Variants in ARHGAP8 observed in about 807,000 individuals in gnomAD.
The protein encoded by ARHGAP8 is rho GTPase-activating protein 8.
A neutral mutation model predicts 46.1 loss-of-function variants in ARHGAP8; 62 were observed. The observed-to-expected ratio is 1.34, with a 90% CI of 1.10 to 1.66. The LOEUF is 1.66. Ranked by LOEUF, ARHGAP8 falls within the 40% of genes most tolerant of loss-of-function variation. The pLI, the probability that ARHGAP8 is intolerant of heterozygous loss-of-function variation, is 0.00. For missense variants in ARHGAP8, 923 were observed against 568.4 expected (o/e 1.62, Z -6.34); for synonymous variants, 375 against 243.1 (o/e 1.54, Z -5.05).
At chr22:44,829,810 A>G (rs1930810285) in intron 7 of ARHGAP8, among the ~76,000 whole-genome samples, 1 of 152,228 alleles carries the variant, frequency 6.6e-6, no homozygotes, top group South Asian at 2.1e-4. Flanking sequence ...GCAGAAAGCT[A>G]TCACCTTAGA....
At chr22:44,856,369 G>T (rs1164820468) in intron 10 of ARHGAP8, among the ~76,000 whole-genome samples, 1 of 142,846 alleles carries the variant, frequency 7.0e-6, no homozygotes, top group African/African-American at 2.6e-5. Context: ...TGCCTCCCGG[G>T]TTCAAGTGAT....
chr22:44,858,456 C>G (rs574674008), intron 10 of ARHGAP8, among the ~76,000 whole-genome samples: 1 of 116,328 alleles, frequency 8.6e-6, no homozygotes, highest in East Asian at 2.0e-4. Flanking sequence ...CAGCCTCTGT[C>G]TTCTGAGTTC....
chr22:44,757,279 A>AT (rs372905719), intron 1 of ARHGAP8, among the ~76,000 whole-genome samples: 3,786 of 143,630 alleles, frequency 0.026, 116 homozygotes, highest in African/African-American at 0.078. Context: ...CAAATATTTA[A>AT]TTTTTTTTTT....
At chr22:44,861,202 C>T (rs1235515902) in intron 11 of ARHGAP8, among the ~76,000 whole-genome samples, 7 of 152,130 alleles carry the variant, frequency 4.6e-5, no homozygotes, top group Non-Finnish European at 2.9e-5. Context: ...GAACTCCTGA[C>T]CTCAGGTGAT....
chr22:44,843,126 G>T (rs1931760185), intron 7 of ARHGAP8, among the ~76,000 whole-genome samples: 1 of 152,184 alleles, frequency 6.6e-6, no homozygotes, highest in Admixed American at 6.5e-5. Context: ...TCTCTCTCTG[G>T]ACCCCTTTTC....
At chr22:44,809,597 TCCC>T in intron 4 of ARHGAP8, 5 of 181,308 alleles carry the variant, frequency 2.8e-5, no homozygotes, top group South Asian at 1.1e-4. Flanking sequence ...TAGGGCAGGA[TCCC>T]ACCCCAGGCC....
intron 10 of ARHGAP8, among the ~76,000 whole-genome samples, chr22:44,858,701 A>G (rs867495480): frequency 6.8e-6 from 1 of 147,544 alleles, no homozygotes; most frequent in East Asian, 2.0e-4. Context: ...AAGGCTATGG[A>G]GCTCCAGTGG....
At chr22:44,836,435 A>G (rs1297571565) in intron 7 of ARHGAP8, among the ~76,000 whole-genome samples, 2 of 151,854 alleles carry the variant, frequency 1.3e-5, no homozygotes, top group African/African-American at 2.4e-5. Flanking sequence ...AGTCAACCCT[A>G]GGCTGTGTGA....
rs561512959 is a variant in ARHGAP8, at chr22:44,793,403, C to T, written c.79+6797C>T. ...CCTGGCCCTGCAGGACAACACACAT[C>T]CACCGCCCTGGGTTCGGATCTTTTG... On this transcript the variant is annotated intron_variant, in intron 2 of 11. Transcript: ENST00000356099. 4.6e-5 allele frequency among the ~76,000 whole-genome samples: 7 copies of T among 152,304 alleles called. No homozygotes were observed. In the South Asian group the frequency reaches 8.3e-4, roughly 18 times the overall value.
At chr22:44,851,487 C>A (rs1348810644) in intron 10 of ARHGAP8, among the ~76,000 whole-genome samples, 1 of 152,148 alleles carries the variant, frequency 6.6e-6, no homozygotes, top group African/African-American at 2.4e-5. Flanking sequence ...TCTCGGCACA[C>A]TGCAACCTCC....
In ARHGAP8 at chr22:44,825,591, A is replaced by G. The variant is rs761677722; in HGVS notation, c.594A>G (p.Gln198=). The G allele has an allele frequency of 1.2e-6, 2 of 1,611,924 alleles. No homozygotes were observed. The highest frequency in any genetic ancestry group is 1.7e-6 in the Non-Finnish European group (2 of 1,179,072). The part of the protein sequence containing the change: ...LPTQQFGVSL[Q]YLKDKNQGEL... ...CACAGCAGTTTGGCGTCAGTCTGCAATAGTAAGTGAGCCGGGGATGTGCCT... is the reference window on the plus strand; with the variant it reads ...CACAGCAGTTTGGCGTCAGTCTGCAGTAGTAAGTGAGCCGGGGATGTGCCT... The change falls in exon 7 of 12, where the codon CAA becomes CAG. Residue 198 remains glutamine (Q), a splice_region_variant and synonymous_variant. Transcript: ENST00000356099.
intron 7 of ARHGAP8, among the ~76,000 whole-genome samples, chr22:44,835,187 A>G (rs1159830783): frequency 6.6e-6 from 1 of 151,578 alleles, no homozygotes; most frequent in African/African-American, 2.4e-5. Flanking sequence ...TTTGTGTTAA[A>G]TACATACTTT....
chr22:44,827,118 G>A (rs879287162), intron 7 of ARHGAP8, among the ~76,000 whole-genome samples: 1 of 152,122 alleles, frequency 6.6e-6, no homozygotes, highest in Non-Finnish European at 1.5e-5. Context: ...TTTACAAGAG[G>A]GAGGTAGGAG....
intron 1 of ARHGAP8, among the ~76,000 whole-genome samples, chr22:44,762,903 G>A (rs554087886): frequency 6.6e-6 from 1 of 152,242 alleles, no homozygotes; most frequent in Non-Finnish European, 1.5e-5. Flanking sequence ...TCAAGGAGGG[G>A]CCTAGATAGC....
intron 4 of ARHGAP8, among the ~76,000 whole-genome samples, chr22:44,813,346 C>T (rs1929477848): frequency 6.6e-6 from 1 of 151,414 alleles, no homozygotes; most frequent in Non-Finnish European, 1.5e-5. Context: ...CCTACATATA[C>T]ATACACTTAC....
At chr22:44,809,219 A>G (rs1929166512) in intron 4 of ARHGAP8, 3 of 464,270 alleles carry the variant, frequency 6.5e-6, no homozygotes, top group African/African-American at 4.0e-5. Flanking sequence ...CCAGTAAAAC[A>G]TTATGGACGC....
chr22:44,857,095 C>A (rs1343406115), intron 10 of ARHGAP8, among the ~76,000 whole-genome samples: 2 of 142,976 alleles, frequency 1.4e-5, no homozygotes, highest in African/African-American at 5.7e-5. Context: ...TGCCCACCAC[C>A]ACACCCGGCT....
intron 7 of ARHGAP8, among the ~76,000 whole-genome samples, chr22:44,829,264 C>G (rs1930765432): frequency 1.3e-5 from 2 of 151,026 alleles, no homozygotes; most frequent in Admixed American, 6.6e-5. Context: ...GCACTCCAGC[C>G]CAGGAGACAG....
intron 1 of ARHGAP8, among the ~76,000 whole-genome samples, chr22:44,761,972 C>CA (rs1196373992): frequency 6.6e-6 from 1 of 152,142 alleles, no homozygotes; most frequent in Non-Finnish European, 1.5e-5. Context: ...GGAACCCCCC[C>CA]CAACTCATAA....
Sources: gnomAD v4.1 joint callset for allele counts (sites outside exome capture counted in the v4.1 genomes callset) on GRCh38, gnomAD v4.1.1 for gene constraint, MANE v1.5 for transcripts, NCBI Gene and HGNC (gene_info 2026-07-23, HGNC 2026-07-21) for gene names.